The following PIK3R5 variants were observed in gnomAD, a reference collection of about 807,000 sequenced individuals.
PIK3R5 encodes the protein phosphoinositide 3-kinase regulatory subunit 5.
Under a neutral mutation model 94.9 loss-of-function variants are expected in PIK3R5, and 32 were observed. The ratio of observed to expected loss-of-function variants is 0.34; its 90% CI spans 0.25 to 0.45. The LOEUF (loss-of-function observed/expected upper bound fraction) is 0.45. Among genes scored for constraint, PIK3R5 ranks in the 20% least tolerant of loss-of-function variants. The probability of loss-of-function intolerance (pLI) is 1.00; values close to 1 mark genes in which losing one functional copy is unlikely to be tolerated. For missense variants in PIK3R5, 853 were observed against 1,144.6 expected (o/e 0.75, Z 3.68); for synonymous variants, 443 against 479.4 (o/e 0.92, Z 0.99).
intron 1 of PIK3R5, among the ~76,000 whole-genome samples, chr17:8,937,620 T>C (rs1231898737): frequency 6.6e-6 from 1 of 152,248 alleles, no homozygotes; most frequent in African/African-American, 2.4e-5. Context: ...CGTGTATCGT[T>C]GGATTCAATT....
chr17:8,949,361 C>T (rs762729411), intron 1 of PIK3R5, among the ~76,000 whole-genome samples: 1 of 152,140 alleles, frequency 6.6e-6, no homozygotes, highest in African/African-American at 2.4e-5. Context: ...GATATTGAAA[C>T]ATCTGATGCC....
At chr17:8,939,676 C>A (rs141726176) in intron 1 of PIK3R5, among the ~76,000 whole-genome samples, 1 of 152,346 alleles carries the variant, frequency 6.6e-6, no homozygotes, top group African/African-American at 2.4e-5. Context: ...CAAATGCGAA[C>A]TTCAGTTACA....
At chr17:8,932,899 C>G (rs58179780) in intron 1 of PIK3R5, among the ~76,000 whole-genome samples, 6,873 of 151,930 alleles carry the variant, frequency 0.045, 531 homozygotes, top group African/African-American at 0.16. Flanking sequence ...GCTCTAAAAA[C>G]CCAAGAAGGA....
chr17:8,932,147 A>G, intron 1 of PIK3R5, among the ~76,000 whole-genome samples: 1 of 152,238 alleles, frequency 6.6e-6, no homozygotes, highest in Non-Finnish European at 1.5e-5. Context: ...ACTTTAAAAC[A>G]TCTATTATAA....
chr17:8,942,827 C>T (rs1362239720), intron 1 of PIK3R5, among the ~76,000 whole-genome samples: 4 of 151,926 alleles, frequency 2.6e-5, no homozygotes, highest in Admixed American at 6.6e-5. Flanking sequence ...AGGATGGTCT[C>T]GATCTCCTGA....
chr17:8,941,222 A>T (rs984539444), intron 1 of PIK3R5, among the ~76,000 whole-genome samples: 2 of 152,078 alleles, frequency 1.3e-5, no homozygotes, highest in Non-Finnish European at 2.9e-5. Flanking sequence ...GGAGGCAGAG[A>T]GTAGGGAGGC....
At chr17:8,919,243 C>T (rs1314820419) in intron 1 of PIK3R5, among the ~76,000 whole-genome samples, 2 of 152,206 alleles carry the variant, frequency 1.3e-5, no homozygotes, top group East Asian at 3.8e-4. Context: ...GTTTTGATAA[C>T]TGCACCATGT....
At chr17:8,924,841 T>C (rs1457317502) in intron 1 of PIK3R5, among the ~76,000 whole-genome samples, 2 of 152,210 alleles carry the variant, frequency 1.3e-5, no homozygotes, top group African/African-American at 2.4e-5. Flanking sequence ...CTTGGCCAGG[T>C]GTGGTTTTTA....
chr17:8,920,166 G>A (rs2090710996), intron 1 of PIK3R5, among the ~76,000 whole-genome samples: 1 of 152,096 alleles, frequency 6.6e-6, no homozygotes, highest in Non-Finnish European at 1.5e-5. Flanking sequence ...TTACAGGCGT[G>A]AGCCACCATG....
chr17:8,962,820 G>C (rs28414988), intron 1 of PIK3R5, among the ~76,000 whole-genome samples: 7,085 of 152,136 alleles, frequency 0.047, 575 homozygotes, highest in African/African-American at 0.16. Context: ...TGTTTGCTAC[G>C]GGAGGGTATC....
At chr17:8,947,835 A>G (rs1291209789) in intron 1 of PIK3R5, among the ~76,000 whole-genome samples, 4 of 152,118 alleles carry the variant, frequency 2.6e-5, no homozygotes, top group Non-Finnish European at 5.9e-5. Flanking sequence ...CAAGGTCAGG[A>G]GATCCAGACC....
intron 1 of PIK3R5, among the ~76,000 whole-genome samples, chr17:8,932,657 G>C (rs1292655445): frequency 2.0e-5 from 3 of 152,136 alleles, no homozygotes; most frequent in African/African-American, 7.2e-5. Context: ...TAAGATCAGT[G>C]AACTTAAACG....
Position 8,889,575 on chromosome 17 carries a change from G to A in PIK3R5, c.812-353C>T, listed in dbSNP as rs1391186647. On this transcript the variant is annotated intron_variant, in intron 8 of 18. Coordinates refer to ENST00000447110, the MANE Select transcript of PIK3R5 (RefSeq NM_001142633.3). The surrounding 1 kb of genome is among the most constrained non-coding windows in gnomAD (Gnocchi z 4.1). ...GAATGCTAATGGTTCCTCAAAGTCTGTGCTCCCTTCTATGGTACTGGAGTC... is the reference window on the plus strand; with the variant it reads ...GAATGCTAATGGTTCCTCAAAGTCTATGCTCCCTTCTATGGTACTGGAGTC... Among the ~76,000 whole-genome samples the A allele has an allele frequency of 1.3e-5, 2 of 152,182 alleles. No individual in the cohort carries two copies. Among genetic ancestry groups the A allele is most frequent in the African/African-American group, 2.4e-5 (1 of 41,446 alleles).
intron 1 of PIK3R5, among the ~76,000 whole-genome samples, chr17:8,960,053 G>A (rs2091533776): frequency 6.6e-6 from 1 of 152,286 alleles, no homozygotes; most frequent in Admixed American, 6.5e-5. Context: ...CTGGACCTTG[G>A]AATACGGGGA....
intron 1 of PIK3R5, among the ~76,000 whole-genome samples, chr17:8,943,484 C>T (rs1384456627): frequency 6.6e-6 from 1 of 151,998 alleles, no homozygotes; most frequent in Admixed American, 6.6e-5. Flanking sequence ...AGAAAAGAGA[C>T]ATTCTTGGCT....
intron 15 of PIK3R5, among the ~76,000 whole-genome samples, chr17:8,883,607 T>C (rs374864): frequency 0.19 from 29,156 of 152,184 alleles, 3,893 homozygotes; most frequent in African/African-American, 0.38. Flanking sequence ...GCCTAATTAA[T>C]TCCTGGTTTT....
At chr17:8,938,110 C>G (rs1163383734) in intron 1 of PIK3R5, among the ~76,000 whole-genome samples, 1 of 152,190 alleles carries the variant, frequency 6.6e-6, no homozygotes, top group Admixed American at 6.5e-5. Flanking sequence ...CGCACCCGGC[C>G]ATTTTTTCTT....
chr17:8,897,556 C>A (rs917685488), intron 5 of PIK3R5, among the ~76,000 whole-genome samples: 4 of 152,178 alleles, frequency 2.6e-5, no homozygotes, highest in African/African-American at 9.7e-5. Context: ...CCTAACAGGA[C>A]CAATCCAGGC....
intron 3 of PIK3R5, 80 bp from the exon 4 acceptor site, chr17:8,905,817 T>A: frequency 1.2e-5 from 9 of 748,828 alleles, no homozygotes; most frequent in South Asian, 2.0e-5. Context: ...TGGTTCTTCC[T>A]CATTCTAGCC....
Sources: allele counts gnomAD v4.1 joint callset (sites outside exome capture counted in the v4.1 genomes callset), GRCh38; gene constraint gnomAD v4.1.1; non-coding constraint Gnocchi (gnomAD v3.1); transcripts MANE v1.5; gene names NCBI Gene and HGNC (gene_info 2026-07-23, HGNC 2026-07-21).